The following STPG2 variants were observed in gnomAD, a reference collection of about 807,000 sequenced individuals.
STPG2 encodes the protein sperm-tail PG-rich repeat-containing protein 2.
Under a neutral mutation model 54.2 loss-of-function variants are expected in STPG2, and 56 were observed. The ratio of observed to expected loss-of-function variants is 1.03; its 90% CI spans 0.83 to 1.29. The LOEUF is 1.29. Among genes scored for constraint, STPG2 ranks in the 50% most tolerant of loss-of-function variants. The pLI is 0.00. For synonymous variants in STPG2, 200 were observed against 181.8 expected, an observed-to-expected ratio of 1.10 and a Z score of -0.81; for missense variants, 596 against 544.9, an observed-to-expected ratio of 1.09 and a Z score of -0.93.
At chr4:97,708,242 T>C (rs1227067429) in intron 10 of STPG2, among the ~76,000 whole-genome samples, 2 of 151,970 alleles carry the variant, frequency 1.3e-5, no homozygotes, top group African/African-American at 4.8e-5. Context: ...ATGGTTTTTT[T>C]GAAAAATAAA....
intron 3 of STPG2, among the ~76,000 whole-genome samples, chr4:98,120,025 G>T (rs1022620919): frequency 6.6e-5 from 10 of 152,034 alleles, no homozygotes; most frequent in Non-Finnish European, 1.5e-4. Context: ...TTGATTCCAT[G>T]GCTTTACTAT....
intron 5 of STPG2, among the ~76,000 whole-genome samples, chr4:98,053,373 G>A (rs960338051): frequency 5.3e-5 from 8 of 152,034 alleles, no homozygotes; most frequent in Admixed American, 1.3e-4. Flanking sequence ...CTAATCATAC[G>A]TTCAGAATCC....
In STPG2 at chr4:97,484,897, A is replaced by G. The variant is rs149490565; in HGVS notation, c.462+227802T>C. ...GGTTTCACACCAGGGATGTAGGGAC[A>G]GTTTGATATACACAAGTCAATAAAT... On this transcript the variant is annotated intron_variant, in intron 4 of 4. Coordinates refer to the STPG2 transcript ENST00000522676. Among the ~76,000 whole-genome samples, 920 of 151,902 alleles carry G rather than the reference A, an allele frequency of 6.1e-3. 5 individuals are homozygous for G. Among genetic ancestry groups the G allele is most frequent in the South Asian group, 0.02 (98 of 4,824 alleles).
intron 8 of STPG2, among the ~76,000 whole-genome samples, chr4:97,908,508 T>C (rs1731540977): frequency 6.6e-6 from 1 of 151,740 alleles, no homozygotes; most frequent in Non-Finnish European, 1.5e-5. Context: ...AGCCATCCCA[T>C]TACTGGGTAT....
chr4:98,119,544 T>C (rs1298099747), intron 3 of STPG2, among the ~76,000 whole-genome samples: 5 of 152,158 alleles, frequency 3.3e-5, no homozygotes, highest in Non-Finnish European at 7.3e-5. Context: ...GCAATATTTT[T>C]CATAATAATG....
intron 4 of STPG2, among the ~76,000 whole-genome samples, chr4:97,509,935 C>T (rs186817106): frequency 1.5e-4 from 23 of 152,004 alleles, no homozygotes; most frequent in Admixed American, 3.9e-4. Context: ...ACAGAACACT[C>T]TACTAAGCAC....
intron 10 of STPG2, among the ~76,000 whole-genome samples, chr4:97,619,118 A>G (rs1208163894): frequency 6.6e-6 from 1 of 152,160 alleles, no homozygotes; most frequent in African/African-American, 2.4e-5. Context: ...ATTAAGGATA[A>G]AACAGTAAGT....
chr4:97,906,577 A>T (rs1731433424), intron 8 of STPG2, among the ~76,000 whole-genome samples: 1 of 152,346 alleles, frequency 6.6e-6, no homozygotes, highest in African/African-American at 2.4e-5. Context: ...AGAGAATTTT[A>T]GACCAATATC....
intron 5 of STPG2, among the ~76,000 whole-genome samples, chr4:98,073,727 C>T (rs957785215): frequency 6.6e-6 from 1 of 151,670 alleles, no homozygotes; most frequent in Non-Finnish European, 1.5e-5. Flanking sequence ...AACTCCATCC[C>T]AAAAAATATA....
intron 5 of STPG2, among the ~76,000 whole-genome samples, chr4:98,003,075 T>G (rs529586606): frequency 6.6e-6 from 1 of 152,204 alleles, no homozygotes; most frequent in South Asian, 2.1e-4. Flanking sequence ...ATTAGAAAAT[T>G]CTGAATTCAC....
At chr4:97,906,648 C>T (rs1385677898) in intron 8 of STPG2, among the ~76,000 whole-genome samples, 1 of 152,082 alleles carries the variant, frequency 6.6e-6, no homozygotes, top group Non-Finnish European at 1.5e-5. Context: ...TCCAGCAGCA[C>T]ATCAAAAAGC....
intron 10 of STPG2, among the ~76,000 whole-genome samples, chr4:97,641,647 C>G (rs1158475583): frequency 6.7e-6 from 1 of 150,282 alleles, no homozygotes; most frequent in African/African-American, 2.4e-5. Context: ...TTTTTAAAAC[C>G]TAAAACTCAC....
intron 10 of STPG2, among the ~76,000 whole-genome samples, chr4:97,701,628 C>T (rs556020139): frequency 5.3e-5 from 8 of 152,210 alleles, no homozygotes; most frequent in South Asian, 2.1e-4. Context: ...ATTGAGGGGC[C>T]GTGATTCTGT....
At chr4:97,899,498 G>T (rs1188716437) in intron 8 of STPG2, among the ~76,000 whole-genome samples, 1 of 151,742 alleles carries the variant, frequency 6.6e-6, no homozygotes, top group Admixed American at 6.6e-5. Flanking sequence ...AACCAAAAAA[G>T]AATCCAAATA....
At chr4:97,962,345 T>A (rs112566246) in intron 7 of STPG2, among the ~76,000 whole-genome samples, 56 of 152,174 alleles carry the variant, frequency 3.7e-4, no homozygotes, top group Non-Finnish European at 5.9e-4. Flanking sequence ...TAGTCCCCAA[T>A]AGCCTGTGGA....
intron 9 of STPG2, among the ~76,000 whole-genome samples, chr4:97,794,723 G>T (rs939196714): frequency 6.6e-6 from 1 of 152,044 alleles, no homozygotes; most frequent in Non-Finnish European, 1.5e-5. Flanking sequence ...TACTATAAAA[G>T]AAGTTCTTTC....
At chr4:97,475,402 C>T (rs942105925) in intron 4 of STPG2, among the ~76,000 whole-genome samples, 3 of 150,842 alleles carry the variant, frequency 2.0e-5, no homozygotes, top group African/African-American at 7.3e-5. Flanking sequence ...TCTTTAACTA[C>T]AATGTATAAT....
intron 3 of STPG2, among the ~76,000 whole-genome samples, chr4:98,123,488 T>C (rs1739742922): frequency 6.6e-6 from 1 of 152,216 alleles, no homozygotes; most frequent in South Asian, 2.1e-4. Flanking sequence ...TTCCATATAG[T>C]CGTGTGGTTT....
intron 10 of STPG2, among the ~76,000 whole-genome samples, chr4:97,669,519 G>A (rs1167784691): frequency 7.6e-5 from 2 of 26,374 alleles, no homozygotes; most frequent in Admixed American, 4.8e-4. Flanking sequence ...TATTGCGGCC[G>A]GGCGCGGTGG....
Sources: gnomAD v4.1 joint callset for allele counts (sites outside exome capture counted in the v4.1 genomes callset) on GRCh38, gnomAD v4.1.1 for gene constraint, MANE v1.5 for transcripts, NCBI Gene and HGNC (gene_info 2026-07-23, HGNC 2026-07-21) for gene names.